ITSN1: variants seen among roughly 807,000 people sequenced by gnomAD.
ITSN1 encodes the protein intersectin-1.
In ITSN1, 58 loss-of-function variants were observed where a neutral mutation model predicts 239.8. The ratio of observed to expected loss-of-function variants is 0.24; its 90% CI spans 0.20 to 0.30. The LOEUF (loss-of-function observed/expected upper bound fraction) is 0.30. ITSN1 is among the 10% of genes least tolerant of loss of function. The probability of loss-of-function intolerance (pLI) is 1.00; values close to 1 mark genes in which losing one functional copy is unlikely to be tolerated. For missense variants in ITSN1, 1,558 were observed against 2,103.3 expected, an observed-to-expected ratio of 0.74 and a Z score of 5.07; for synonymous variants, 780 against 770.8, an observed-to-expected ratio of 1.01 and a Z score of -0.20.
rs543369955 is a variant in ITSN1 at position 33,867,366 on chromosome 21, G to A, written c.4173+35G>A. On this transcript the variant is annotated intron_variant, in intron 33 of 39. Transcript: ENST00000381318. ...TGTCTTGCCTTTTCAAGCAGGGGAC[G>A]GCTTTCTCTGCATTGGAGAGGGCTG... 2.0e-5 allele frequency: 23 copies of A among 1,175,124 alleles called. 1 individual carries two copies. The highest frequency in any genetic ancestry group is 1.9e-4 in the South Asian group (16 of 82,400). The allele number at this position is 1,175,124 out of a possible 1,614,324, so 72.8% of individuals were successfully genotyped here. A position where few individuals can be genotyped will look rare whatever the true frequency, so the allele number is the denominator to read the frequency against.
intron 1 of ITSN1, among the ~76,000 whole-genome samples, chr21:33,665,385 G>A (rs1342168577): frequency 2.0e-5 from 3 of 152,162 alleles, no homozygotes; most frequent in Non-Finnish European, 2.9e-5. Context: ...ACAGATAGAT[G>A]CTCAAAATTG....
At chr21:33,771,240 C>T (rs2069135525) in intron 11 of ITSN1, among the ~76,000 whole-genome samples, 1 of 152,076 alleles carries the variant, frequency 6.6e-6, no homozygotes, top group Admixed American at 6.6e-5. Flanking sequence ...GGGAAGAAGC[C>T]AAAGATGGAT....
At chr21:33,695,945 G>C (rs763246394) in intron 1 of ITSN1, among the ~76,000 whole-genome samples, 3 of 152,198 alleles carry the variant, frequency 2.0e-5, no homozygotes, top group Non-Finnish European at 4.4e-5. Context: ...TGAGTCATCT[G>C]TCTGTTGCCT....
chr21:33,811,979 T>A (rs1193901683), intron 21 of ITSN1, among the ~76,000 whole-genome samples: 10 of 152,158 alleles, frequency 6.6e-5, no homozygotes, highest in Non-Finnish European at 5.9e-5. Context: ...GGAATCCAGA[T>A]GTATTGCTGG....
chr21:33,760,286 C>T (rs1161052231), intron 8 of ITSN1, among the ~76,000 whole-genome samples: 1 of 152,048 alleles, frequency 6.6e-6, no homozygotes, highest in Non-Finnish European at 1.5e-5. Context: ...AGTTAGGCTA[C>T]CTTGGTGGTA....
chr21:33,708,323 G>T (rs977139907), intron 1 of ITSN1, among the ~76,000 whole-genome samples: 4 of 151,854 alleles, frequency 2.6e-5, no homozygotes, highest in Admixed American at 2.6e-4. Context: ...TTTCATAAGG[G>T]TTATCTTTTG....
At chr21:33,761,680 C>A (rs1015722830) in intron 8 of ITSN1, among the ~76,000 whole-genome samples, 2 of 152,150 alleles carry the variant, frequency 1.3e-5, no homozygotes, top group Admixed American at 6.5e-5. Flanking sequence ...CATGGTCATT[C>A]TTTATCAAAC....
chr21:33,765,219 T>C (rs934176577), intron 9 of ITSN1, among the ~76,000 whole-genome samples: 2 of 152,186 alleles, frequency 1.3e-5, no homozygotes, highest in African/African-American at 4.8e-5. Context: ...AGCAGAACAT[T>C]TAACAATATA....
chr21:33,772,166 TGGCCCAGCTGGAGCGGGC>T lies in ITSN1; in HGVS notation c.1151_1168del (p.Ala384_Ala389del). ...CAGCAGCGCAAGGAGCAGGAGCGCC[TGGCCCAGCTGGAGCGGGC>T]GGAGCAGGAGAGGAAGGAGCGTGAG... On this transcript the variant is annotated inframe_deletion, in exon 12 of 40. Coordinates refer to ENST00000381318, the MANE Select transcript of ITSN1 (RefSeq NM_003024.3). 6.2e-7 allele frequency: 1 copy of T among 1,614,122 alleles called. No individual in the cohort carries two copies.
chr21:33,688,029 T>G (rs2091330836), intron 1 of ITSN1, among the ~76,000 whole-genome samples: 1 of 152,170 alleles, frequency 6.6e-6, no homozygotes, highest in South Asian at 2.1e-4. Flanking sequence ...AAAAAGCTGC[T>G]TTGTCTATTT....
intron 27 of ITSN1, among the ~76,000 whole-genome samples, chr21:33,833,871 C>CA (rs923200436): frequency 0.049 from 2,977 of 60,662 alleles, 114 homozygotes; most frequent in African/African-American, 0.13. Flanking sequence ...GACTCCGTCT[C>CA]AAAAAAAAAA....
chr21:33,708,926 G>C (rs2092331381), intron 1 of ITSN1, among the ~76,000 whole-genome samples: 1 of 152,142 alleles, frequency 6.6e-6, no homozygotes, highest in African/African-American at 2.4e-5. Flanking sequence ...TTTTCCTCCA[G>C]TGATTTGTCT....
intron 1 of ITSN1, among the ~76,000 whole-genome samples, chr21:33,677,633 C>T (rs2090675509): frequency 6.6e-6 from 1 of 152,138 alleles, no homozygotes; most frequent in African/African-American, 2.4e-5. Context: ...AGCCACCGCA[C>T]CCAGCCCAAA....
Position 33,795,122 on chromosome 21 carries a change from A to C in ITSN1, c.1952+654A>C, listed in dbSNP as rs2071437021. Among the ~76,000 whole-genome samples the C allele has an allele frequency of 2.0e-5, 3 of 152,216 alleles. No homozygotes were observed. In the South Asian group the frequency reaches 6.2e-4, roughly 32 times the overall value. On this transcript the variant is annotated intron_variant, in intron 17 of 39. Transcript: ENST00000381318. ...GAAACAAAAATGACCAAATGTCCCA[A>C]TGACAGCCCCGTAAATTATAAAAGT...
At chr21:33,768,597 A>G (rs1429358714) in intron 11 of ITSN1, among the ~76,000 whole-genome samples, 5 of 152,126 alleles carry the variant, frequency 3.3e-5, no homozygotes, top group African/African-American at 1.2e-4. Context: ...ATTTTAAATA[A>G]TACTCATTTA....
At chr21:33,647,181 TC>T (rs1173500196) in intron 1 of ITSN1, among the ~76,000 whole-genome samples, 2 of 152,308 alleles carry the variant, frequency 1.3e-5, no homozygotes, top group Non-Finnish European at 2.9e-5. Flanking sequence ...CAACTAATAT[TC>T]TTTGTATTTA....
At chr21:33,673,744 C>G (rs1370630106) in intron 1 of ITSN1, among the ~76,000 whole-genome samples, 1 of 152,212 alleles carries the variant, frequency 6.6e-6, no homozygotes, top group Non-Finnish European at 1.5e-5. Context: ...TTTTCATCAC[C>G]TAGCACCAGC....
chr21:33,792,157 G>A (rs1464197726), intron 16 of ITSN1, among the ~76,000 whole-genome samples: 1 of 152,112 alleles, frequency 6.6e-6, no homozygotes, highest in Non-Finnish European at 1.5e-5. Context: ...TCATATCAGG[G>A]ACCTGAGATT....
rs1569024358 is a variant in ITSN1, at chr21:33,722,638, T to C, written c.172T>C (p.Leu58=). 6.3e-7 allele frequency: 1 copy of C among 1,580,048 alleles called. No individual in the cohort carries two copies. Among genetic ancestry groups the C allele is most frequent in the East Asian group, 2.3e-5 (1 of 43,690 alleles). ...TCAATCTGGGTTACCTCAACCTGTT[T>C]TAGCACAGATATGGTAAGTTGGAAT... ...FFQSGLPQPV[L]AQIWALADMN... is the part of the protein sequence containing the mutation. The change falls in exon 4 of 40, where the codon TTA becomes CTA. Residue 58 remains leucine (L), a synonymous_variant. Coordinates refer to ENST00000381318, the MANE Select transcript of ITSN1 (RefSeq NM_003024.3).
Sources: allele counts gnomAD v4.1 joint callset (sites outside exome capture counted in the v4.1 genomes callset), GRCh38; gene constraint gnomAD v4.1.1; transcripts MANE v1.5; gene names NCBI Gene and HGNC (gene_info 2026-07-23, HGNC 2026-07-21).